Variants in CFAP221 observed in about 807,000 individuals in gnomAD.
CFAP221 encodes the protein cilia and flagella associated protein 221.
A neutral mutation model predicts 113.1 loss-of-function variants in CFAP221; 97 were observed. That is an observed-to-expected ratio of 0.86 (90% CI 0.73 to 1.02). The LOEUF is 1.02. Among genes scored for constraint, CFAP221 ranks in the 50% least tolerant of loss-of-function variants. CFAP221 has a pLI of 0.00. For synonymous variants in CFAP221, 331 were observed against 354.4 expected, an observed-to-expected ratio of 0.93 and a Z score of 0.74; for missense variants, 1,025 against 1,013.4, an observed-to-expected ratio of 1.01 and a Z score of -0.16.
At chr2:119,649,713 C>T (rs1027728074) in intron 22 of CFAP221, among the ~76,000 whole-genome samples, 13 of 152,156 alleles carry the variant, frequency 8.5e-5, no homozygotes, top group Non-Finnish European at 1.8e-4. Flanking sequence ...TCACAGGGAT[C>T]GCTGAGCCTA....
intron 23 of CFAP221, among the ~76,000 whole-genome samples, chr2:119,654,566 C>G (rs1688318740): frequency 6.6e-6 from 1 of 152,138 alleles, no homozygotes; most frequent in Non-Finnish European, 1.5e-5. Flanking sequence ...ATCAAATTAT[C>G]ATTAAACGAA....
intron 6 of CFAP221, among the ~76,000 whole-genome samples, chr2:119,567,867 A>C (rs1233078624): frequency 1.3e-5 from 2 of 152,084 alleles, no homozygotes; most frequent in South Asian, 4.2e-4. Flanking sequence ...ATCTTCCACT[A>C]TTTATCTTCC....
At chr2:119,587,870 T>A (rs950064990) in intron 7 of CFAP221, among the ~76,000 whole-genome samples, 1 of 152,214 alleles carries the variant, frequency 6.6e-6, no homozygotes, top group African/African-American at 2.4e-5. Flanking sequence ...GTACTGCAAG[T>A]ACATATTTTG....
At chr2:119,627,312 ACT>A (rs879420715) in intron 15 of CFAP221, among the ~76,000 whole-genome samples, 9 of 151,544 alleles carry the variant, frequency 5.9e-5, no homozygotes, top group Non-Finnish European at 1.2e-4. Flanking sequence ...TAATAAAGAA[ACT>A]CTTTTTTCTA....
At chr2:119,551,861 T>C (rs1355561436) in intron 3 of CFAP221, among the ~76,000 whole-genome samples, 3 of 152,240 alleles carry the variant, frequency 2.0e-5, no homozygotes, top group African/African-American at 2.4e-5. Flanking sequence ...TTAAGAATAT[T>C]AAGTCACAAT....
chr2:119,630,462 C>T, intron 17 of CFAP221, 108 bp from the exon 18 acceptor site: 1 of 787,852 alleles, frequency 1.3e-6, no homozygotes, highest in East Asian at 2.6e-5. Context: ...CAACATGGTG[C>T]TTGTCTTACT....
chr2:119,656,371 A>G lies in CFAP221; in HGVS notation c.2424A>G (p.Lys808=). The change falls in exon 24 of 24, where the codon AAA becomes AAG. Residue 808 remains lysine (K), a synonymous_variant. Transcript: ENST00000413369. ...GTTTTTTGATACTCAGAGAAGTGAA[A>G]GATCAAGCACAACCAGCAGAGAAGG... The part of the protein sequence containing the change: ...YKDIRKEKEV[K]DQAQPAEKAG... The G allele has an allele frequency of 6.2e-7, 1 of 1,613,990 alleles. No homozygotes were observed. The highest frequency in any genetic ancestry group is 8.5e-7 in the Non-Finnish European group (1 of 1,179,936).
At chr2:119,635,560 G>A (rs1687062012) in intron 19 of CFAP221, among the ~76,000 whole-genome samples, 2 of 152,124 alleles carry the variant, frequency 1.3e-5, no homozygotes, top group African/African-American at 2.4e-5. Context: ...GAATGATGAA[G>A]GGCATGAAAT....
chr2:119,588,585 TA>T (rs1683376902), intron 7 of CFAP221, among the ~76,000 whole-genome samples: 1 of 152,124 alleles, frequency 6.6e-6, no homozygotes, highest in East Asian at 1.9e-4. Context: ...ATGACACACT[TA>T]AAAAAATCAT....
chr2:119,563,123 C>T (rs1681373920), intron 6 of CFAP221, among the ~76,000 whole-genome samples: 1 of 152,134 alleles, frequency 6.6e-6, no homozygotes, highest in African/African-American at 2.4e-5. Context: ...CACTACACTC[C>T]AGCCTGGGTG....
At chr2:119,659,117 G>C (rs1397538191), downstream of CFAP221, among the ~76,000 whole-genome samples, 2 of 152,016 alleles carry the variant, frequency 1.3e-5, no homozygotes, top group Non-Finnish European at 2.9e-5. Flanking sequence ...CCCCTACAGT[G>C]AGCAGCTTAG....
chr2:119,569,219 T>C (rs1332284852), intron 6 of CFAP221, among the ~76,000 whole-genome samples: 3 of 152,082 alleles, frequency 2.0e-5, no homozygotes, highest in Admixed American at 6.5e-5. Context: ...TTGCAACCTC[T>C]GTCTCCTGGG....
chr2:119,606,124 C>G (rs1013827502), intron 11 of CFAP221, among the ~76,000 whole-genome samples: 2 of 152,012 alleles, frequency 1.3e-5, no homozygotes, highest in African/African-American at 4.8e-5. Flanking sequence ...CCTCTTCAGC[C>G]TCCCAAGTAG....
rs144120360 is a variant in CFAP221, at chr2:119,645,992, T to C, written c.2226-966T>C. On this transcript the variant is annotated intron_variant, in intron 21 of 23. Coordinates refer to ENST00000413369, the MANE Select transcript of CFAP221 (RefSeq NM_001271049.2). ...GGAAGGAGTCGAGACCCCAAAAAAG[T>C]GCTCATTCCATCCACTTGAAACAAA... Among the ~76,000 whole-genome samples, 169 of 152,330 alleles carry C rather than the reference T, an allele frequency of 1.1e-3. 2 individuals are homozygous for C. The East Asian group carries it at 0.025, about 22-fold the overall frequency.
Position 119,596,644 on chromosome 2 carries a change from C to T in CFAP221, c.632-4574C>T, listed in dbSNP as rs1034251207. Among the ~76,000 whole-genome samples the T allele has an allele frequency of 2.6e-5, 4 of 152,260 alleles. No homozygotes were observed. In the East Asian group the frequency reaches 5.8e-4, roughly 22 times the overall value. On this transcript the variant is annotated intron_variant, in intron 7 of 23. Transcript: ENST00000413369. The stretch of plus-strand genomic sequence containing the variant: ...TAATTTTACCACTTATTTCGAGTTC[C>T]AGTCAAAAAAGCTTGCGGGAGGGAG...
At chr2:119,639,200 G>A (rs886661601) in intron 20 of CFAP221, among the ~76,000 whole-genome samples, 11 of 152,124 alleles carry the variant, frequency 7.2e-5, no homozygotes, top group African/African-American at 2.4e-4. Context: ...CCTTATGCAC[G>A]AGTTGATCCT....
intron 12 of CFAP221, among the ~76,000 whole-genome samples, chr2:119,610,550 C>T (rs1685080546): frequency 6.6e-6 from 1 of 152,048 alleles, no homozygotes. Context: ...TTTATATTGC[C>T]TATTTTATTT....
chr2:119,557,490 A>G (rs1379514841), intron 3 of CFAP221: 1 of 152,230 alleles, frequency 6.6e-6, no homozygotes, highest in Non-Finnish European at 1.5e-5. Flanking sequence ...ATGTCATTCT[A>G]AAGGATATTG....
At chr2:119,613,593 C>G (rs564287190) in intron 13 of CFAP221, among the ~76,000 whole-genome samples, 1 of 152,290 alleles carries the variant, frequency 6.6e-6, no homozygotes, top group African/African-American at 2.4e-5. Flanking sequence ...ACCTTGGCCC[C>G]TTTTAGTTAT....
Sources: allele counts gnomAD v4.1 joint callset (sites outside exome capture counted in the v4.1 genomes callset), GRCh38; gene constraint gnomAD v4.1.1; transcripts MANE v1.5; gene names NCBI Gene and HGNC (gene_info 2026-07-23, HGNC 2026-07-21).